Variants in TXNDC16 observed in about 807,000 individuals in gnomAD.
TXNDC16 encodes the protein thioredoxin domain containing 16, also known as thioredoxin domain-containing protein 16.
In TXNDC16, 74 loss-of-function variants were observed where a neutral mutation model predicts 85.6. The observed-to-expected ratio is 0.86, with a 90% CI of 0.72 to 1.05. TXNDC16 has a LOEUF of 1.05. TXNDC16 is among the 50% of genes least tolerant of loss of function. The pLI, the probability that TXNDC16 is intolerant of heterozygous loss-of-function variation, is 0.00. For synonymous variants in TXNDC16, 335 were observed against 326.5 expected (o/e 1.03, Z -0.28); for missense variants, 959 against 947.0 (o/e 1.01, Z -0.17).
At chr14:52,457,896 T>C (rs1338813066) in intron 16 of TXNDC16, among the ~76,000 whole-genome samples, 7 of 152,226 alleles carry the variant, frequency 4.6e-5, no homozygotes, top group Non-Finnish European at 8.8e-5. Context: ...AATTAAATCA[T>C]TGTAGACTAA....
chr14:52,505,757 C>A (rs1359465455), intron 9 of TXNDC16, among the ~76,000 whole-genome samples: 1 of 152,002 alleles, frequency 6.6e-6, no homozygotes, highest in African/African-American at 2.4e-5. Flanking sequence ...CACAAAAAAC[C>A]CTTCAAAAAA....
chr14:52,544,407 A>G (rs1017110968), intron 1 of TXNDC16, 36 bp from the exon 2 acceptor site: 2 of 152,104 alleles, frequency 1.3e-5, no homozygotes, highest in African/African-American at 2.4e-5. Context: ...AAAAATTAGT[A>G]TAATATAAAA....
intron 12 of TXNDC16, among the ~76,000 whole-genome samples, chr14:52,483,662 C>T (rs889554009): frequency 6.6e-6 from 1 of 152,144 alleles, no homozygotes; most frequent in African/African-American, 2.4e-5. Context: ...GCCAAGAAGT[C>T]TGGATTTTAT....
In TXNDC16 at chr14:52,485,643, G is replaced by A. The variant is rs74407556; in HGVS notation, c.1109-2678C>T. Among the ~76,000 whole-genome samples, 544 of 152,058 alleles carry A rather than the reference G, an allele frequency of 3.6e-3. 1 individual carries two copies. The highest frequency in any genetic ancestry group is 6.8e-3 in the African/African-American group (280 of 41,480). ...TATTGTACCTCTTCTGTGTTTACAC[G>A]TTTAGATACATAAATATCTACCATT... is the stretch of plus-strand genomic sequence containing the variant. On this transcript the variant is annotated intron_variant, in intron 12 of 20. Transcript: ENST00000281741.
intron 7 of TXNDC16, among the ~76,000 whole-genome samples, chr14:52,517,583 T>A (rs1361854438): frequency 6.6e-6 from 1 of 152,102 alleles, no homozygotes; most frequent in Non-Finnish European, 1.5e-5. Context: ...GATGTCCGCA[T>A]TTTCTCATCC....
In TXNDC16 at chr14:52,439,134, T is replaced by A. The variant is rs568846820; in HGVS notation, c.2194+70A>T. ...ATAACTCATCCTACCATTCTTTAGC[T>A]ATATTTAGAGTTTAACATTTATGGA... On this transcript the variant is annotated intron_variant, in intron 20 of 20. Coordinates refer to ENST00000281741, the MANE Select transcript of TXNDC16 (RefSeq NM_020784.3). 6.3e-6 allele frequency: 9 copies of A among 1,419,744 alleles called. No homozygotes were observed. In the African/African-American group the frequency reaches 8.6e-5, roughly 14 times the overall value. 87.9% of individuals were successfully genotyped at this position (1,419,744 alleles called of 1,614,324 possible).
chr14:52,514,730 T>C (rs1461298225), intron 8 of TXNDC16, 150 bp downstream of exon 8: 4 of 573,786 alleles, frequency 7.0e-6, no homozygotes, highest in Non-Finnish European at 6.2e-6. Context: ...ATAAAGGGGA[T>C]TTCAGGTTTC....
chr14:52,495,672 T>C (rs1264367205), intron 9 of TXNDC16, among the ~76,000 whole-genome samples: 1 of 152,154 alleles, frequency 6.6e-6, no homozygotes, highest in Non-Finnish European at 1.5e-5. Flanking sequence ...GCCCCCTGGC[T>C]AAAACAACTC....
intron 1 of TXNDC16, among the ~76,000 whole-genome samples, chr14:52,550,154 G>C (rs1004183313): frequency 1.4e-4 from 21 of 152,170 alleles, no homozygotes; most frequent in African/African-American, 4.8e-4. Context: ...TCTCAGAAAA[G>C]AAGGAAATTA....
intron 9 of TXNDC16, among the ~76,000 whole-genome samples, chr14:52,503,571 G>A (rs919071330): frequency 8.5e-5 from 13 of 152,308 alleles, no homozygotes; most frequent in Admixed American, 5.9e-4. Context: ...AACCCCATCT[G>A]TATATCACCA....
In TXNDC16 at chr14:52,458,471, C is replaced by T. The variant is rs80324240; in HGVS notation, c.1619-1297G>A. On this transcript the variant is annotated intron_variant, in intron 16 of 20. Transcript: ENST00000281741. ...ACTCAGGAGGCTGAGGCATGAGAAT[C>T]GCTTGAATTTGGGAGAAGGAGATTG... 4.9e-3 allele frequency among the ~76,000 whole-genome samples: 742 copies of T among 152,186 alleles called. 14 individuals carry two copies. The highest frequency in any genetic ancestry group is 0.039 in the Admixed American group (597 of 15,278).
intron 3 of TXNDC16, among the ~76,000 whole-genome samples, chr14:52,543,172 C>T (rs2140230230): frequency 6.6e-6 from 1 of 152,180 alleles, no homozygotes; most frequent in Admixed American, 6.5e-5. Flanking sequence ...AGTACTATTT[C>T]TTCTGAACAG....
intron 6 of TXNDC16, among the ~76,000 whole-genome samples, chr14:52,534,750 TTATC>T (rs1191685822): frequency 2.6e-5 from 4 of 152,200 alleles, no homozygotes. Flanking sequence ...TATTTTCTGT[TTATC>T]TGTCTGTGCA....
At chr14:52,527,162 T>A (rs747255751) in intron 6 of TXNDC16, among the ~76,000 whole-genome samples, 32 of 152,174 alleles carry the variant, frequency 2.1e-4, no homozygotes, top group Non-Finnish European at 4.1e-4. Flanking sequence ...GAGGGGCTTG[T>A]TGGAGCCATG....
chr14:52,436,957 C>T (rs768507644), intron 20 of TXNDC16, among the ~76,000 whole-genome samples: 10 of 151,702 alleles, frequency 6.6e-5, no homozygotes, highest in Non-Finnish European at 1.3e-4. Flanking sequence ...TTATATAGTA[C>T]CTAGGAGACT....
rs372133582 is a variant in TXNDC16, at chr14:52,490,886, C to T, written c.876G>A (p.Trp292Ter). 64 of 1,612,650 alleles carry T rather than the reference C, an allele frequency of 4.0e-5. No individual in the cohort carries two copies. Among genetic ancestry groups the T allele is most frequent in the Non-Finnish European group, 5.2e-5 (61 of 1,179,648 alleles). ...TYEADRRTAE[W>*]VAWRLLGKAG... ...CTTTTCCCAGAAGACGCCAAGCAAC[C>T]CATTCTGCAGTTCTTCTATCAGCTT... Residue 292 changes from tryptophan to a stop codon, truncating the protein, a stop_gained, in exon 10 of 21, where the codon TGG (tryptophan) becomes TGA (stop). Transcript: ENST00000281741. LOFTEE classifies it high-confidence loss of function.
intron 14 of TXNDC16, among the ~76,000 whole-genome samples, chr14:52,474,145 G>C (rs909892993): frequency 6.6e-6 from 1 of 152,186 alleles, no homozygotes; most frequent in Admixed American, 6.5e-5. Flanking sequence ...CCCTTGCATT[G>C]AGGGGGCAGG....
Position 52,490,932 on chromosome 14 carries a change from A to C in TXNDC16, c.830T>G (p.Val277Gly), listed in dbSNP as rs1424918655. Reference protein sequence around the residue: ...LQLGLPLVFIVSQQATYEADR... With the variant: ...LQLGLPLVFIGSQQATYEADR... The stretch of plus-strand genomic sequence containing the variant: ...AGCTTCATAAGTAGCCTGTTGGCTA[A>C]CAATAAAAACCAGTGGTAAGCCCAG... Residue 277 changes from valine (V) to glycine (G), a missense_variant, in exon 10 of 21, where the codon GTT (valine) becomes GGT (glycine). Val to Gly is a moderately radical substitution (Grantham distance 109). Transcript: ENST00000281741. 6.2e-7 allele frequency: 1 copy of C among 1,613,700 alleles called. No homozygotes were observed. Among genetic ancestry groups the C allele is most frequent in the Non-Finnish European group, 8.5e-7 (1 of 1,179,920 alleles).
In TXNDC16 at chr14:52,436,271, G is replaced by A. The variant is rs78903834; in HGVS notation, c.2194+2933C>T. 3.6e-3 allele frequency among the ~76,000 whole-genome samples: 541 copies of A among 152,270 alleles called. 2 individuals are homozygous for A. Among genetic ancestry groups the A allele is most frequent in the African/African-American group, 0.013 (526 of 41,542 alleles). ...ATGAACTACTGGTTCATGCTATAAC[G>A]TGGTTGATCCTTGAAAACCTTATGA... On this transcript the variant is annotated intron_variant, in intron 20 of 20. Transcript: ENST00000281741.
Sources: allele counts gnomAD v4.1 joint callset (sites outside exome capture counted in the v4.1 genomes callset), GRCh38; gene constraint gnomAD v4.1.1; transcripts MANE v1.5; gene names NCBI Gene and HGNC (gene_info 2026-07-23, HGNC 2026-07-21).